Variants in CDH13 observed in about 807,000 individuals in gnomAD.
CDH13 encodes cadherin 13.
In CDH13, 24 loss-of-function variants were observed where a neutral mutation model predicts 63.8. The observed-to-expected ratio is 0.38, with a 90% CI of 0.27 to 0.53. The LOEUF (loss-of-function observed/expected upper bound fraction) is 0.53. Among genes scored for constraint, CDH13 ranks in the 20% least tolerant of loss-of-function variants. The probability of loss-of-function intolerance (pLI) is 0.85; values close to 1 mark genes in which losing one functional copy is unlikely to be tolerated. For synonymous variants in CDH13, 503 were observed against 355.3 expected (o/e 1.42, Z -4.67); for missense variants, 1,049 against 903.1 (o/e 1.16, Z -2.07).
At chr16:83,408,168 T>G (rs541974258) in intron 6 of CDH13, among the ~76,000 whole-genome samples, 114 of 152,350 alleles carry the variant, frequency 7.5e-4, no homozygotes, top group African/African-American at 2.6e-3. Context: ...GTGACCCGTG[T>G]GACTATGACT....
intron 2 of CDH13, among the ~76,000 whole-genome samples, chr16:82,928,975 C>T (rs976017968): frequency 2.0e-5 from 3 of 152,172 alleles, no homozygotes; most frequent in African/African-American, 7.2e-5. Flanking sequence ...AAGTGCATAA[C>T]ATTATATTCA....
At chr16:82,707,627 G>A (rs2031597430) in intron 1 of CDH13, among the ~76,000 whole-genome samples, 1 of 152,234 alleles carries the variant, frequency 6.6e-6, no homozygotes, top group Admixed American at 6.5e-5. Context: ...TCTGATGACA[G>A]ATTGCCTGTC....
In CDH13 at chr16:82,833,491, C is replaced by T. The variant is rs570550857; in HGVS notation, c.46-24871C>T. 1.0e-3 allele frequency among the ~76,000 whole-genome samples: 154 copies of T among 152,326 alleles called. 2 individuals are homozygous for T. The highest frequency in any genetic ancestry group is 8.5e-4 in the Admixed American group (13 of 15,306). On this transcript the variant is annotated intron_variant, in intron 1 of 13. Transcript: ENST00000567109. Reference sequence around the variant, plus strand: ...CCTGTTGCTGTGTGATTCTGATCCCCATGAATTCACTATGTTGTCAAATGC... The same window carrying T: ...CCTGTTGCTGTGTGATTCTGATCCCTATGAATTCACTATGTTGTCAAATGC...
intron 1 of CDH13, among the ~76,000 whole-genome samples, chr16:82,749,937 A>G (rs1326877651): frequency 6.6e-6 from 1 of 152,196 alleles, no homozygotes; most frequent in African/African-American, 2.4e-5. Flanking sequence ...TCCTGTCTCT[A>G]GAAACATGGA....
chr16:82,993,219 T>G (rs1005067009), intron 2 of CDH13, among the ~76,000 whole-genome samples: 1 of 152,218 alleles, frequency 6.6e-6, no homozygotes, highest in African/African-American at 2.4e-5. Flanking sequence ...TTTCACATTT[T>G]ATCTCCCAAA....
chr16:83,395,147 C>CAAAAA (rs56374797), intron 6 of CDH13, among the ~76,000 whole-genome samples: 3,672 of 106,516 alleles, frequency 0.034, 74 homozygotes, highest in East Asian at 0.045. Context: ...GACTCCATCT[C>CAAAAA]AAAAAAAAAA....
At chr16:83,172,352 G>A (rs556599697) in intron 4 of CDH13, among the ~76,000 whole-genome samples, 5 of 151,980 alleles carry the variant, frequency 3.3e-5, no homozygotes, top group Non-Finnish European at 4.4e-5. Context: ...TTAGCCAGGC[G>A]TAGTGGTGCA....
intron 1 of CDH13, among the ~76,000 whole-genome samples, chr16:82,829,813 T>A (rs1181539613): frequency 6.6e-6 from 1 of 152,222 alleles, no homozygotes; most frequent in African/African-American, 2.4e-5. Flanking sequence ...ATTTATTGAA[T>A]GTGTAAGCAA....
At chr16:82,802,603 T>C (rs904369295) in intron 1 of CDH13, among the ~76,000 whole-genome samples, 41 of 152,210 alleles carry the variant, frequency 2.7e-4, no homozygotes, top group Admixed American at 4.6e-4. Flanking sequence ...GTTCATACTC[T>C]GGGGCTTCAT....
chr16:82,769,737 A>T (rs1263896990), intron 1 of CDH13, among the ~76,000 whole-genome samples: 1 of 152,228 alleles, frequency 6.6e-6, no homozygotes, highest in Non-Finnish European at 1.5e-5. Flanking sequence ...TGTGCCCACC[A>T]GGTGGTGAAT....
chr16:83,033,611 C>T (rs529943095), intron 3 of CDH13, among the ~76,000 whole-genome samples: 2 of 152,170 alleles, frequency 1.3e-5, no homozygotes, highest in African/African-American at 4.8e-5. Flanking sequence ...GGCAGCAGTG[C>T]TTGTTCCCTT....
At chr16:83,274,380 G>C (rs897390003) in intron 5 of CDH13, among the ~76,000 whole-genome samples, 2 of 152,084 alleles carry the variant, frequency 1.3e-5, no homozygotes, top group African/African-American at 4.8e-5. Flanking sequence ...TGTTCTTCCT[G>C]CCACTCATTA....
At chr16:83,310,005 G>T (rs370373594) in intron 5 of CDH13, among the ~76,000 whole-genome samples, 1 of 152,060 alleles carries the variant, frequency 6.6e-6, no homozygotes, top group African/African-American at 2.4e-5. Flanking sequence ...CAAAAGTTCC[G>T]CACAATATCA....
intron 2 of CDH13, among the ~76,000 whole-genome samples, chr16:83,014,831 T>G (rs1914585609): frequency 8.5e-6 from 1 of 117,288 alleles, no homozygotes; most frequent in Admixed American, 9.8e-5. Flanking sequence ...TATATATTTG[T>G]ATATATATTT....
chr16:83,674,812 C>G (rs1260458336), intron 9 of CDH13, among the ~76,000 whole-genome samples: 1 of 152,254 alleles, frequency 6.6e-6, no homozygotes, highest in Non-Finnish European at 1.5e-5. Flanking sequence ...GATTCTAAAA[C>G]CACCAGAAAG....
intron 11 of CDH13, among the ~76,000 whole-genome samples, chr16:83,774,922 T>C (rs1270667665): frequency 6.7e-6 from 1 of 149,420 alleles, no homozygotes; most frequent in African/African-American, 2.4e-5. Flanking sequence ...TTCAAAGTGG[T>C]TAAAAATTGT....
At chr16:82,744,311 T>C (rs983952295) in intron 1 of CDH13, among the ~76,000 whole-genome samples, 1 of 152,224 alleles carries the variant, frequency 6.6e-6, no homozygotes, top group Non-Finnish European at 1.5e-5. Context: ...TGGGCCTCTA[T>C]TTTTCTCGCT....
chr16:83,577,089 C>G (rs534320580), intron 7 of CDH13, among the ~76,000 whole-genome samples: 119 of 152,266 alleles, frequency 7.8e-4, no homozygotes, highest in African/African-American at 2.8e-3. Context: ...TTTATAGCTC[C>G]CTGGATACCT....
intron 2 of CDH13, among the ~76,000 whole-genome samples, chr16:82,905,205 G>A (rs1438153913): frequency 2.0e-5 from 3 of 152,158 alleles, no homozygotes; most frequent in Non-Finnish European, 4.4e-5. Context: ...TGAGAATCGC[G>A]ATTATATGGA....
Sources: allele counts gnomAD v4.1 joint callset (sites outside exome capture counted in the v4.1 genomes callset), GRCh38; gene constraint gnomAD v4.1.1; transcripts MANE v1.5; gene names NCBI Gene and HGNC (gene_info 2026-07-23, HGNC 2026-07-21).